TRPM2: variants seen among roughly 807,000 people sequenced by gnomAD.
TRPM2 encodes estrogen-responsive element-associated gene 1 protein.
Under a neutral mutation model 174.0 loss-of-function variants are expected in TRPM2, and 161 were observed. The ratio of observed to expected loss-of-function variants is 0.93; its 90% CI spans 0.81 to 1.05. The LOEUF is 1.05. TRPM2 is among the 50% of genes least tolerant of loss of function. The pLI is 0.00. For synonymous variants in TRPM2, 954 were observed against 861.3 expected (o/e 1.11, Z -1.88); for missense variants, 2,057 against 2,038.0 (o/e 1.01, Z -0.18).
intron 19 of TRPM2, among the ~76,000 whole-genome samples, chr21:44,410,614 G>C (rs371809896): frequency 6.9e-5 from 5 of 72,786 alleles, no homozygotes; most frequent in African/African-American, 1.2e-4. Flanking sequence ...TGACCGCACT[G>C]TCTTGGTTGG....
chr21:44,378,563 C>T (rs912669605), intron 7 of TRPM2, among the ~76,000 whole-genome samples: 4 of 152,174 alleles, frequency 2.6e-5, no homozygotes, highest in African/African-American at 9.7e-5. Context: ...ATGCACACGG[C>T]AGAGTCCTTC....
At chr21:44,364,326 A>G (rs2048298664) in intron 3 of TRPM2, 44 bp downstream of exon 3, 15 of 1,601,150 alleles carry the variant, frequency 9.4e-6, no homozygotes, top group Non-Finnish European at 1.3e-5. Context: ...GTGGAGCTGC[A>G]TGGCCCCACA....
At chr21:44,402,808 C>G (rs930109208) in intron 16 of TRPM2, among the ~76,000 whole-genome samples, 1 of 152,216 alleles carries the variant, frequency 6.6e-6, no homozygotes, top group African/African-American at 2.4e-5. Flanking sequence ...TGAATGGGAA[C>G]TAGGTCCTTG....
At chr21:44,419,634 G>GGTA in intron 22 of TRPM2, among the ~76,000 whole-genome samples, 1 of 2,734 alleles carries the variant, frequency 3.7e-4, no homozygotes, top group Non-Finnish European at 1.2e-3. Flanking sequence ...TGATTGTGAT[G>GGTA]GTGGTGGTGT....
In TRPM2 at chr21:44,418,059, C is replaced by T. The variant is rs2050376021; in HGVS notation, c.3279C>T (p.Phe1093=). ...TCCTCCTCAGCCACCTGCAGCTCTT[C>T]ATCAAGAGGGTGGTCCTGAAGACTC... The part of the protein sequence containing the change: ...PFILLSHLQL[F]IKRVVLKTPA... The change falls in exon 21 of 32, where the codon TTC becomes TTT. Residue 1093 remains phenylalanine, a synonymous_variant. Coordinates refer to ENST00000397928, the MANE Select transcript of TRPM2 (RefSeq NM_003307.4). 6.2e-7 allele frequency: 1 copy of T among 1,613,190 alleles called. No homozygotes were observed. The highest frequency in any genetic ancestry group is 1.3e-5 in the African/African-American group (1 of 75,052).
intron 19 of TRPM2, among the ~76,000 whole-genome samples, chr21:44,408,663 T>A (rs1047543428): frequency 2.0e-5 from 3 of 149,396 alleles, no homozygotes; most frequent in African/African-American, 7.4e-5. Context: ...CCTTTTTTTT[T>A]TTTTTTTTTT....
chr21:44,399,245 C>T lies in TRPM2; in HGVS notation c.2063-51C>T, dbSNP rs1418434736. On this transcript the variant is annotated intron_variant, in intron 13 of 31. Transcript: ENST00000397928. The surrounding 1 kb of genome is among the most constrained non-coding windows in gnomAD (Gnocchi z 4.6). ...GTTGCCCTCTGACCCGTCCCCAGGGCTCAGTGATTGTGACCTGCTGCTCTG... is the reference window on the plus strand; with the variant it reads ...GTTGCCCTCTGACCCGTCCCCAGGGTTCAGTGATTGTGACCTGCTGCTCTG... The T allele has an allele frequency of 2.5e-6, 4 of 1,579,394 alleles. No individual in the cohort carries two copies. The highest frequency in any genetic ancestry group is 1.7e-4 in the Middle Eastern group (1 of 5,936).
Position 44,354,898 on chromosome 21 carries a change from C to A in TRPM2, c.254+162C>A, listed in dbSNP as rs2048011799. On this transcript the variant is annotated intron_variant, in intron 2 of 31. Coordinates refer to ENST00000397928, the MANE Select transcript of TRPM2 (RefSeq NM_003307.4). The surrounding 1 kb of genome is among the most constrained non-coding windows in gnomAD (Gnocchi z 4.3). The stretch of plus-strand genomic sequence containing the variant: ...AGTCCACAGAGCATTTCCACCTAAC[C>A]CTTGCAAGCCTCCTGTCGGGGACAG... Among the ~76,000 whole-genome samples the A allele has an allele frequency of 1.3e-5, 2 of 152,192 alleles. No homozygotes were observed. Among genetic ancestry groups the A allele is most frequent in the African/African-American group, 2.4e-5 (1 of 41,438 alleles).
chr21:44,436,885 C>T (rs1031859474), intron 28 of TRPM2, among the ~76,000 whole-genome samples, 177 bp from the exon 29 acceptor site: 13 of 152,158 alleles, frequency 8.5e-5, no homozygotes, highest in Admixed American at 7.2e-4. Context: ...AGGACGTCCC[C>T]TAAGTGGTTA....
chr21:44,397,205 A>AT (rs1042803717), intron 12 of TRPM2, among the ~76,000 whole-genome samples: 2 of 151,840 alleles, frequency 1.3e-5, no homozygotes, highest in African/African-American at 4.8e-5. Flanking sequence ...CGCCTGGCTA[A>AT]TTTTTTATAA....
chr21:44,414,098 G>A (rs376188494), intron 20 of TRPM2, 24 bp downstream of exon 20: 73 of 1,599,276 alleles, frequency 4.6e-5, no homozygotes, highest in Admixed American at 1.2e-4. Flanking sequence ...TGGGGCTGGC[G>A]TGCAGGTGGG....
chr21:44,365,937 C>T (rs2048347270), intron 3 of TRPM2, among the ~76,000 whole-genome samples: 1 of 152,208 alleles, frequency 6.6e-6, no homozygotes, highest in South Asian at 2.1e-4. Flanking sequence ...TTAACTGGAC[C>T]TTCTTTAGTG....
intron 16 of TRPM2, among the ~76,000 whole-genome samples, chr21:44,403,993 CATACACAT>C (rs2049748842): frequency 6.6e-6 from 1 of 151,418 alleles, no homozygotes; most frequent in South Asian, 2.1e-4. Context: ...TGCATACACA[CATACACAT>C]ACACACATGC....
chr21:44,426,425 G>A (rs920788601), intron 25 of TRPM2, among the ~76,000 whole-genome samples: 2 of 151,302 alleles, frequency 1.3e-5, no homozygotes, highest in Non-Finnish European at 2.9e-5. Context: ...CCCAAGTCAC[G>A]GCCACCTGCC....
At chr21:44,417,641 C>T (rs2050351748) in intron 20 of TRPM2, among the ~76,000 whole-genome samples, 1 of 117,546 alleles carries the variant, frequency 8.5e-6, no homozygotes, top group Non-Finnish European at 1.7e-5. Flanking sequence ...TGCTCTCTGG[C>T]ATCACAGTGG....
In TRPM2 at chr21:44,366,940, T is replaced by A; in HGVS notation, c.604+6T>A. 6.4e-7 allele frequency: 1 copy of A among 1,571,176 alleles called. No homozygotes were observed. The highest frequency in any genetic ancestry group is 2.3e-5 in the East Asian group (1 of 44,190). On this transcript the variant is annotated splice_donor_region_variant and intron_variant, in intron 4 of 31. Transcript: ENST00000397928. The surrounding 1 kb of genome is among the most constrained non-coding windows in gnomAD (Gnocchi z 6.0). ...CAAGGTGGCTCAGACCACAGGTAAC[T>A]CGGAGGCTGGAGGGACACGAGGCCC...
intron 5 of TRPM2, among the ~76,000 whole-genome samples, 179 bp downstream of exon 5, chr21:44,369,522 T>C (rs531998077): frequency 2.5e-3 from 192 of 76,734 alleles, no homozygotes; most frequent in Non-Finnish European, 3.3e-3. Flanking sequence ...TCTGACCGGG[T>C]GCTGCGGGGA....
rs758626327 is a variant in TRPM2, at chr21:44,391,304, A to G, written c.1473A>G (p.Ala491=). The change falls in exon 11 of 32, where the codon GCA becomes GCG. Residue 491 remains alanine, a synonymous_variant. Transcript: ENST00000397928. The surrounding 1 kb of genome is among the most constrained non-coding windows in gnomAD (Gnocchi z 5.0). ...PSDLHPTMTA[A]LISNKPEFVK... ...ATCTGCACCCCACGATGACAGCTGC[A>G]CTCATCTCCAACAAGCCTGAGTTTG... 7 of 1,614,016 alleles carry G rather than the reference A, an allele frequency of 4.3e-6. No individual in the cohort carries two copies. Among genetic ancestry groups the G allele is most frequent in the Non-Finnish European group, 5.9e-6 (7 of 1,180,016 alleles).
At position 44,399,162 on chromosome 21, in the gene TRPM2, A is replaced by T; in HGVS notation, c.2063-134A>T. 1 of 1,213,444 alleles carries T rather than the reference A, an allele frequency of 8.2e-7. No homozygotes were observed. The highest frequency in any genetic ancestry group is 1.1e-6 in the Non-Finnish European group (1 of 895,984). 75.2% of individuals were successfully genotyped at this position (1,213,444 alleles called of 1,614,324 possible). A position where few individuals can be genotyped will look rare whatever the true frequency, so the allele number is the denominator to read the frequency against. On this transcript the variant is annotated intron_variant, in intron 13 of 31. Transcript: ENST00000397928. The surrounding 1 kb of genome is among the most constrained non-coding windows in gnomAD (Gnocchi z 4.6). Reference sequence around the variant, plus strand: ...TCCCTGGGCCTGGGTGTTTTGAGACACCAGCCCCACATTTGCCCTGTGCCC... The same window carrying T: ...TCCCTGGGCCTGGGTGTTTTGAGACTCCAGCCCCACATTTGCCCTGTGCCC...
Sources: gnomAD v4.1 joint callset for allele counts (sites outside exome capture counted in the v4.1 genomes callset) on GRCh38, gnomAD v4.1.1 for gene constraint, Gnocchi (gnomAD v3.1) non-coding constraint, MANE v1.5 for transcripts, NCBI Gene and HGNC (gene_info 2026-07-23, HGNC 2026-07-21) for gene names.